Variants in MTUS2 observed in about 807,000 individuals in gnomAD.
The protein encoded by MTUS2 is microtubule associated scaffold protein 2, also known as microtubule-associated tumor suppressor candidate 2.
A neutral mutation model predicts 114.1 loss-of-function variants in MTUS2; 40 were observed. That is an observed-to-expected ratio of 0.35 (90% confidence interval 0.27 to 0.46). The LOEUF is 0.46. MTUS2 is among the 20% of genes least tolerant of loss of function. The pLI is 1.00. For missense variants in MTUS2, 1,679 were observed against 1,705.4 expected, an observed-to-expected ratio of 0.98 and a Z score of 0.27; for synonymous variants, 688 against 672.0, an observed-to-expected ratio of 1.02 and a Z score of -0.37.
chr13:29,459,737 G>C (rs533101636), intron 9 of MTUS2, among the ~76,000 whole-genome samples: 2 of 152,254 alleles, frequency 1.3e-5, no homozygotes, highest in African/African-American at 4.8e-5. Context: ...ATGATAAAGA[G>C]ATCCTTCTGT....
At chr13:29,419,617 T>C (rs1875931567) in intron 8 of MTUS2, among the ~76,000 whole-genome samples, 1 of 152,216 alleles carries the variant, frequency 6.6e-6, no homozygotes. Flanking sequence ...GCTTTCACTT[T>C]AACAGTAGAC....
At chr13:29,145,748 G>A (rs893124964) in intron 5 of MTUS2, among the ~76,000 whole-genome samples, 15 of 151,512 alleles carry the variant, frequency 9.9e-5, no homozygotes, top group Admixed American at 5.3e-4. Flanking sequence ...TGTTTTCAAA[G>A]CATTCCACTT....
chr13:28,929,282 T>A (rs1881488389), intron 2 of MTUS2, among the ~76,000 whole-genome samples: 1 of 152,184 alleles, frequency 6.6e-6, no homozygotes, highest in Non-Finnish European at 1.5e-5. Flanking sequence ...TTTATTATAA[T>A]CTATTGTACA....
chr13:29,314,365 A>C (rs562851788), intron 6 of MTUS2, among the ~76,000 whole-genome samples: 1 of 152,230 alleles, frequency 6.6e-6, no homozygotes, highest in Admixed American at 6.5e-5. Context: ...AAACCAAGGC[A>C]GCTATTAAAC....
chr13:28,962,695 T>C (rs1883385016), intron 2 of MTUS2, among the ~76,000 whole-genome samples: 1 of 152,320 alleles, frequency 6.6e-6, no homozygotes, highest in Admixed American at 6.5e-5. Context: ...TTAGATTCAT[T>C]ATTATTTTGT....
chr13:29,135,448 G>T (rs754065135), intron 5 of MTUS2, among the ~76,000 whole-genome samples: 2 of 152,182 alleles, frequency 1.3e-5, no homozygotes, highest in Non-Finnish European at 2.9e-5. Flanking sequence ...CTTGTAGGCA[G>T]CGTATAGTTG....
chr13:29,359,124 T>C, intron 7 of MTUS2, 138 bp from the exon 8 acceptor site: 3 of 841,792 alleles, frequency 3.6e-6, no homozygotes, highest in Non-Finnish European at 3.6e-6. Context: ...TTTTTTCTTT[T>C]CAATCCTTAA....
rs1593395918 is a variant in MTUS2 at position 29,026,753 on chromosome 13, A to G, written c.2055A>G (p.Ala685=). ...CTCTTCCCCACGAAGAGAAGGCAGC[A>G]GGTGGTGACCTGAAGCCATCTGCCA... ...TMPLPHEEKA[A]GGDLKPSANL... is the part of the protein sequence containing the mutation. The change falls in exon 3 of 16, where the codon GCA becomes GCG. Residue 685 remains alanine (A), a synonymous_variant. Coordinates refer to ENST00000612955, the MANE Select transcript of MTUS2 (RefSeq NM_001033602.4). The G allele has an allele frequency of 1.2e-6, 2 of 1,614,028 alleles. No homozygotes were observed. The highest frequency in any genetic ancestry group is 2.2e-5 in the East Asian group (1 of 44,878).
At position 28,889,161 on chromosome 13, in the gene MTUS2, T is replaced by G. The variant is rs868539519; in HGVS notation, c.-243+49311T>G. The stretch of plus-strand genomic sequence containing the variant: ...TTCATTGTTCATTTGTTCTCAGCTG[T>G]TCCCTGGAGGTGTAGCTCTTCACCT... On this transcript the variant is annotated intron_variant, in intron 2 of 15. Coordinates refer to ENST00000612955, the MANE Select transcript of MTUS2 (RefSeq NM_001033602.4). Among the ~76,000 whole-genome samples, 16 of 151,896 alleles carry G rather than the reference T, an allele frequency of 1.1e-4. No homozygotes were observed. In the Middle Eastern group the frequency reaches 0.01, roughly 97 times the overall value.
intron 7 of MTUS2, among the ~76,000 whole-genome samples, chr13:29,358,507 G>A (rs548263340): frequency 8.5e-5 from 13 of 152,182 alleles, no homozygotes; most frequent in South Asian, 4.1e-4. Context: ...CCTATTCATC[G>A]TGAGAGAAAG....
intron 9 of MTUS2, among the ~76,000 whole-genome samples, chr13:29,474,320 A>G (rs917531896): frequency 3.3e-5 from 5 of 152,224 alleles, no homozygotes; most frequent in African/African-American, 1.2e-4. Context: ...GAATCGTCCT[A>G]TCACTGACAT....
intron 5 of MTUS2, among the ~76,000 whole-genome samples, chr13:29,166,844 T>G: frequency 6.6e-6 from 1 of 152,212 alleles, no homozygotes; most frequent in East Asian, 1.9e-4. Context: ...AAATTAGTTT[T>G]AAAATAAAAT....
chr13:28,841,761 A>T (rs1314499541), intron 2 of MTUS2, among the ~76,000 whole-genome samples: 7 of 151,294 alleles, frequency 4.6e-5, no homozygotes, highest in Admixed American at 4.6e-4. Flanking sequence ...ATCTCCGCTC[A>T]CTGCAACCTC....
At chr13:29,318,939 A>C (rs1300577696) in intron 6 of MTUS2, among the ~76,000 whole-genome samples, 2 of 152,120 alleles carry the variant, frequency 1.3e-5, no homozygotes, top group Non-Finnish European at 2.9e-5. Flanking sequence ...TTTCAAATTA[A>C]ACTTAAGGGC....
At chr13:29,212,046 G>T (rs1410690143) in intron 5 of MTUS2, among the ~76,000 whole-genome samples, 1 of 152,096 alleles carries the variant, frequency 6.6e-6, no homozygotes, top group East Asian at 1.9e-4. Flanking sequence ...GATGTCATTG[G>T]TTGGAGGTCT....
intron 2 of MTUS2, among the ~76,000 whole-genome samples, chr13:28,854,297 CACA>C (rs1276558552): frequency 6.6e-6 from 1 of 152,194 alleles, no homozygotes; most frequent in Non-Finnish European, 1.5e-5. Flanking sequence ...CATTTCTCTC[CACA>C]AGAAATTGTG....
intron 9 of MTUS2, among the ~76,000 whole-genome samples, chr13:29,463,214 G>C (rs1879636436): frequency 6.6e-6 from 1 of 152,152 alleles, no homozygotes; most frequent in African/African-American, 2.4e-5. Flanking sequence ...ATTCTCCTGG[G>C]AGCCACCAAA....
intron 6 of MTUS2, among the ~76,000 whole-genome samples, chr13:29,318,392 T>TTTTTTTTTTTTTC (rs1555264536): frequency 8.1e-5 from 1 of 12,300 alleles, no homozygotes; most frequent in African/African-American, 9.7e-5. Context: ...TTTCTTTTTC[T>TTTTTTTTTTTTTC]TTTTTTTTTT....
chr13:29,207,514 G>A (rs181640928), intron 5 of MTUS2, among the ~76,000 whole-genome samples: 1 of 152,282 alleles, frequency 6.6e-6, no homozygotes, highest in African/African-American at 2.4e-5. Context: ...TTCTCAGAGG[G>A]AATGCTTTTA....
Sources: gnomAD v4.1 joint callset for allele counts (sites outside exome capture counted in the v4.1 genomes callset) on GRCh38, gnomAD v4.1.1 for gene constraint, MANE v1.5 for transcripts, NCBI Gene and HGNC (gene_info 2026-07-23, HGNC 2026-07-21) for gene names.